The following FMN2 variants were observed in gnomAD, a reference collection of about 807,000 sequenced individuals.
FMN2 encodes formin-2.
Under a neutral mutation model 142.3 loss-of-function variants are expected in FMN2, and 51 were observed. That is an observed-to-expected ratio of 0.36 (90% CI 0.29 to 0.45). FMN2 has a LOEUF of 0.45. Ranked by LOEUF, FMN2 falls within the 20% of genes least tolerant of loss-of-function variation. The probability of loss-of-function intolerance (pLI) is 1.00; values close to 1 mark genes in which losing one functional copy is unlikely to be tolerated. For synonymous variants in FMN2, 882 were observed against 869.8 expected (o/e 1.01, Z -0.25); for missense variants, 1,936 against 2,122.8 (o/e 0.91, Z 1.73).
intron 8 of FMN2, 59 bp downstream of exon 8, chr1:240,294,942 T>G (rs1669915922): frequency 6.9e-7 from 1 of 1,444,854 alleles, no homozygotes; most frequent in Non-Finnish European, 9.7e-7. Flanking sequence ...TACATGTCTA[T>G]GTGCACATAT....
At chr1:240,115,003 G>A (rs1485024386) in intron 1 of FMN2, among the ~76,000 whole-genome samples, 1 of 152,058 alleles carries the variant, frequency 6.6e-6, no homozygotes, top group African/African-American at 2.4e-5. Flanking sequence ...TTTCTGTATT[G>A]AAGACTTTAT....
rs564853917 is a variant in FMN2 at position 240,181,515 on chromosome 1, G to A, written c.1930+3447G>A. ...TGACCCTTCTTTGTATGAATTGGAA[G>A]GGCTGAGGCCATGGTGAGGTCTTGG... On this transcript the variant is annotated intron_variant, in intron 3 of 17. Coordinates refer to ENST00000319653, the MANE Select transcript of FMN2 (RefSeq NM_020066.5). Among the ~76,000 whole-genome samples, 11 of 152,276 alleles carry A rather than the reference G, an allele frequency of 7.2e-5. No homozygotes were observed. The East Asian group carries it at 1.9e-3, about 27-fold the overall frequency.
At chr1:240,383,471 G>T (rs925041928) in intron 14 of FMN2, among the ~76,000 whole-genome samples, 9 of 152,122 alleles carry the variant, frequency 5.9e-5, no homozygotes. Flanking sequence ...CATATAAGTA[G>T]TCAACAAATT....
chr1:240,169,333 A>C (rs921933673), intron 2 of FMN2, among the ~76,000 whole-genome samples: 1 of 152,234 alleles, frequency 6.6e-6, no homozygotes, highest in Non-Finnish European at 1.5e-5. Context: ...TGTCTCAGAT[A>C]TCACACCCAA....
chr1:240,368,955 T>TCATATA (rs1672770159), intron 14 of FMN2, among the ~76,000 whole-genome samples: 1 of 148,022 alleles, frequency 6.8e-6, no homozygotes, highest in Non-Finnish European at 1.5e-5. Flanking sequence ...AACACAATGT[T>TCATATA]TATATATATA....
intron 8 of FMN2, among the ~76,000 whole-genome samples, chr1:240,297,594 CAAAAAAAAAA>C (rs57504077): frequency 2.3e-5 from 2 of 88,784 alleles, no homozygotes; most frequent in Non-Finnish European, 4.6e-5. Context: ...GACTCCATCT[CAAAAAAAAAA>C]AAAAAAAAAA....
At chr1:240,214,486 G>A (rs1005182043) in intron 6 of FMN2, among the ~76,000 whole-genome samples, 27 of 150,850 alleles carry the variant, frequency 1.8e-4, no homozygotes, top group Admixed American at 1.4e-3. Context: ...GGGAAGCAGA[G>A]GTTGCAGTGA....
intron 2 of FMN2, among the ~76,000 whole-genome samples, 173 bp downstream of exon 2, chr1:240,123,518 A>AAAG (rs1490478826): frequency 3.0e-4 from 45 of 151,626 alleles, no homozygotes; most frequent in African/African-American, 9.9e-4. Context: ...AAAAAAAAAA[A>AAAG]AAAAGAAAGA....
intron 2 of FMN2, among the ~76,000 whole-genome samples, chr1:240,130,587 A>C (rs988061047): frequency 6.6e-6 from 1 of 152,202 alleles, no homozygotes; most frequent in African/African-American, 2.4e-5. Context: ...TACAGGCGTG[A>C]GCCACCACGC....
intron 8 of FMN2, among the ~76,000 whole-genome samples, chr1:240,300,161 G>T (rs930131433): frequency 3.1e-4 from 47 of 152,114 alleles, no homozygotes; most frequent in Non-Finnish European, 5.3e-4. Context: ...AAACCAATAT[G>T]GTTGCTATTA....
intron 11 of FMN2, 50 bp from the exon 12 acceptor site, chr1:240,333,837 T>A: frequency 7.1e-7 from 1 of 1,401,690 alleles, no homozygotes; most frequent in South Asian, 1.3e-5. Flanking sequence ...ACACTTTATA[T>A]TTAATTAGTT....
At chr1:240,304,425 C>G (rs1471680091) in intron 8 of FMN2, among the ~76,000 whole-genome samples, 1 of 152,174 alleles carries the variant, frequency 6.6e-6, no homozygotes, top group Non-Finnish European at 1.5e-5. Flanking sequence ...TTAAGGTCTT[C>G]TCAGGGCATT....
intron 1 of FMN2, among the ~76,000 whole-genome samples, chr1:240,096,841 A>G (rs527544627): frequency 2.6e-5 from 4 of 152,346 alleles, no homozygotes; most frequent in South Asian, 4.1e-4. Flanking sequence ...AGATCTAAAA[A>G]CATTTAGCAA....
intron 2 of FMN2, among the ~76,000 whole-genome samples, chr1:240,147,535 C>T (rs191476707): frequency 1.3e-5 from 2 of 152,168 alleles, no homozygotes; most frequent in East Asian, 3.9e-4. Flanking sequence ...CTCTGTCACC[C>T]AGGCTGGAGT....
At chr1:240,114,733 C>G (rs1038843885) in intron 1 of FMN2, among the ~76,000 whole-genome samples, 2 of 150,512 alleles carry the variant, frequency 1.3e-5, no homozygotes, top group Admixed American at 1.3e-4. Context: ...TTTCAGCTCA[C>G]TGCAACCTCC....
chr1:240,159,933 T>TATC (rs1664201654), intron 2 of FMN2, among the ~76,000 whole-genome samples: 3 of 68,786 alleles, frequency 4.4e-5, no homozygotes, highest in Non-Finnish European at 9.4e-5. Context: ...ATATATATAT[T>TATC]TGTGTATATA....
Position 240,226,128 on chromosome 1 carries a change from A to C in FMN2, c.4065+14893A>C, listed in dbSNP as rs186361829. Among the ~76,000 whole-genome samples, 413 of 152,304 alleles carry C rather than the reference A, an allele frequency of 2.7e-3. 3 individuals are homozygous for C. The South Asian group carries it at 0.028, about 10-fold the overall frequency. On this transcript the variant is annotated intron_variant, in intron 6 of 17. Coordinates refer to ENST00000319653, the MANE Select transcript of FMN2 (RefSeq NM_020066.5). Reference sequence around the variant, plus strand: ...GAGAGAGAAAAGGGGCAGAAAAATAATTGAATGTATGTGGCTGAAAACTTC... The same window carrying C: ...GAGAGAGAAAAGGGGCAGAAAAATACTTGAATGTATGTGGCTGAAAACTTC...
chr1:240,308,315 G>T (rs1353857243), intron 8 of FMN2, among the ~76,000 whole-genome samples: 1 of 152,124 alleles, frequency 6.6e-6, no homozygotes, highest in East Asian at 1.9e-4. Flanking sequence ...GCCCCTCTAG[G>T]GACTTGTAGA....
intron 3 of FMN2, 25 bp from the exon 4 acceptor site, chr1:240,188,182 A>T: frequency 6.2e-7 from 1 of 1,611,676 alleles, no homozygotes; most frequent in South Asian, 1.1e-5. Context: ...TAAGATACTG[A>T]CTGTCTGCTT....
Sources: gnomAD v4.1 joint callset for allele counts (sites outside exome capture counted in the v4.1 genomes callset) on GRCh38, gnomAD v4.1.1 for gene constraint, MANE v1.5 for transcripts, NCBI Gene and HGNC (gene_info 2026-07-23, HGNC 2026-07-21) for gene names.